PLCB1: variants seen among roughly 807,000 people sequenced by gnomAD.
PLCB1 encodes the protein 1-phosphatidylinositol 4,5-bisphosphate phosphodiesterase beta-1.
PLCB1 carries 46 observed loss-of-function variants against 161.8 expected under a neutral mutation model. The ratio of observed to expected loss-of-function variants is 0.28; its 90% CI spans 0.22 to 0.36. PLCB1 has a LOEUF of 0.36. PLCB1 is among the 10% of genes least tolerant of loss of function. The pLI is 1.00. For missense variants in PLCB1, 1,016 were observed against 1,472.5 expected (o/e 0.69, Z 5.07); for synonymous variants, 517 against 503.7 (o/e 1.03, Z -0.35).
intron 10 of PLCB1, among the ~76,000 whole-genome samples, chr20:8,685,752 A>T (rs1267664216): frequency 6.6e-6 from 1 of 151,972 alleles, no homozygotes; most frequent in Non-Finnish European, 1.5e-5. Context: ...GAAAAAAAAA[A>T]GAATTAAGTA....
chr20:8,715,060 C>T (rs892023374), intron 12 of PLCB1, among the ~76,000 whole-genome samples: 2 of 152,062 alleles, frequency 1.3e-5, no homozygotes, highest in African/African-American at 4.8e-5. Flanking sequence ...GGATTTTCAT[C>T]GCTGTTACTT....
intron 3 of PLCB1, among the ~76,000 whole-genome samples, chr20:8,553,855 AGCTGGG>A (rs1985857846): frequency 6.6e-6 from 1 of 151,914 alleles, no homozygotes; most frequent in Non-Finnish European, 1.5e-5. Context: ...CAAAACAATT[AGCTGGG>A]CATGGTGGTA....
intron 3 of PLCB1, among the ~76,000 whole-genome samples, chr20:8,589,867 C>T (rs775877320): frequency 6.7e-5 from 10 of 149,864 alleles, no homozygotes; most frequent in African/African-American, 7.6e-5. Flanking sequence ...GATCCTCCCA[C>T]CTCAGCCTCC....
intron 11 of PLCB1, among the ~76,000 whole-genome samples, chr20:8,707,376 G>GA (rs932967766): frequency 1.3e-5 from 2 of 151,878 alleles, no homozygotes; most frequent in Non-Finnish European, 2.9e-5. Flanking sequence ...AGGAGAATAT[G>GA]AAAAAAATAA....
rs1342174311 is a variant in PLCB1 at position 8,132,650 on chromosome 20, A to T, written c.-2A>T. Reference sequence around the variant, plus strand: ...GGCCGCCCGGAGCCCAGATGAGCCCAGATGGCCGGGGCTCAACCCGGAGTG... The same window carrying T: ...GGCCGCCCGGAGCCCAGATGAGCCCTGATGGCCGGGGCTCAACCCGGAGTG... On this transcript the variant is annotated 5_prime_UTR_variant, in exon 1 of 32. Transcript: ENST00000338037. This position sits in a 1 kb window ranked among gnomAD's most constrained non-coding sequence, Gnocchi z 5.2. 6.2e-7 allele frequency: 1 copy of T among 1,608,274 alleles called. No homozygotes were observed. The highest frequency in any genetic ancestry group is 1.7e-5 in the Admixed American group (1 of 59,742).
intron 2 of PLCB1, among the ~76,000 whole-genome samples, chr20:8,291,611 T>G (rs1407540633): frequency 6.6e-6 from 1 of 152,232 alleles, no homozygotes; most frequent in African/African-American, 2.4e-5. Flanking sequence ...ACATTCAACT[T>G]CTTGTGTTTT....
intron 2 of PLCB1, among the ~76,000 whole-genome samples, chr20:8,341,206 C>G (rs2122224207): frequency 6.6e-6 from 1 of 152,272 alleles, no homozygotes; most frequent in South Asian, 2.1e-4. Context: ...TCAACAGGTA[C>G]TACTCATTCC....
At chr20:8,567,923 CTATTAT>C (rs1986390329) in intron 3 of PLCB1, among the ~76,000 whole-genome samples, 1 of 152,094 alleles carries the variant, frequency 6.6e-6, no homozygotes, top group Non-Finnish European at 1.5e-5. Flanking sequence ...TAAAGGGAAT[CTATTAT>C]CAGTTAAGTT....
chr20:8,723,232 G>A (rs1217952224), intron 15 of PLCB1, among the ~76,000 whole-genome samples: 1 of 152,082 alleles, frequency 6.6e-6, no homozygotes, highest in Non-Finnish European at 1.5e-5. Context: ...TTGATTTCCA[G>A]GAGGAAAACA....
chr20:8,527,498 G>C (rs1984630411), intron 3 of PLCB1, among the ~76,000 whole-genome samples: 1 of 152,094 alleles, frequency 6.6e-6, no homozygotes. Context: ...GGTTGCCCAG[G>C]GAAGGCCAAT....
intron 3 of PLCB1, among the ~76,000 whole-genome samples, chr20:8,455,589 C>T (rs902832446): frequency 3.3e-5 from 5 of 151,480 alleles, no homozygotes; most frequent in Non-Finnish European, 5.9e-5. Context: ...TACCGGCACC[C>T]GCCACCACGC....
At chr20:8,250,098 T>C (rs1324837466) in intron 2 of PLCB1, among the ~76,000 whole-genome samples, 1 of 151,918 alleles carries the variant, frequency 6.6e-6, no homozygotes, top group Non-Finnish European at 1.5e-5. Flanking sequence ...ACATTTTCCC[T>C]GACACAGCTG....
chr20:8,266,974 G>T (rs1291327441), intron 2 of PLCB1, among the ~76,000 whole-genome samples: 2 of 151,456 alleles, frequency 1.3e-5, no homozygotes, highest in Non-Finnish European at 2.9e-5. Context: ...GAGGCGGAGG[G>T]TGCAATGAGC....
At chr20:8,678,227 C>T (rs188806585) in intron 9 of PLCB1, among the ~76,000 whole-genome samples, 6 of 152,126 alleles carry the variant, frequency 3.9e-5, no homozygotes, top group African/African-American at 1.4e-4. Context: ...ATGACTCAAC[C>T]CTGAACACAC....
intron 3 of PLCB1, among the ~76,000 whole-genome samples, chr20:8,462,308 T>TTGATAGTC (rs1302553277): frequency 6.6e-6 from 1 of 152,188 alleles, no homozygotes; most frequent in Non-Finnish European, 1.5e-5. Flanking sequence ...TCTGAAAATA[T>TTGATAGTC]TGATAGTCCT....
intron 21 of PLCB1, 147 bp downstream of exon 21, chr20:8,739,507 T>G: frequency 1.6e-6 from 1 of 617,844 alleles, no homozygotes. Context: ...AGTTACATGT[T>G]TTTGTGACAT....
At chr20:8,268,030 A>G (rs1345116791) in intron 2 of PLCB1, among the ~76,000 whole-genome samples, 2 of 151,888 alleles carry the variant, frequency 1.3e-5, no homozygotes, top group African/African-American at 4.8e-5. Flanking sequence ...GGTTTGTTAC[A>G]TATGTATACA....
At chr20:8,452,162 T>C (rs1038949519) in intron 3 of PLCB1, among the ~76,000 whole-genome samples, 6 of 152,230 alleles carry the variant, frequency 3.9e-5, no homozygotes, top group African/African-American at 1.4e-4. Flanking sequence ...TCCATTTTCA[T>C]TTTTAATTCT....
Position 8,765,155 on chromosome 20 carries a change from C to G in PLCB1, c.2727C>G (p.Thr909=). ...TTGTTGCAGAAGTGGAAGCACAGAC[C>G]ATCGAAGAACTAAAGCAACAGAAAT... The part of the protein sequence containing the change: ...QSVLTEVEAQ[T]IEELKQQKSF... The change falls in exon 26 of 32, where the codon ACC becomes ACG. Residue 909 remains threonine, a synonymous_variant. Transcript: ENST00000338037. The G allele has an allele frequency of 6.2e-7, 1 of 1,613,250 alleles. No homozygotes were observed. The highest frequency in any genetic ancestry group is 8.5e-7 in the Non-Finnish European group (1 of 1,179,734).
Sources: gnomAD v4.1 joint callset for allele counts (sites outside exome capture counted in the v4.1 genomes callset) on GRCh38, gnomAD v4.1.1 for gene constraint, Gnocchi (gnomAD v3.1) non-coding constraint, MANE v1.5 for transcripts, NCBI Gene and HGNC (gene_info 2026-07-23, HGNC 2026-07-21) for gene names.